Variants in TSC22D1 observed in about 807,000 individuals in gnomAD.
TSC22D1 encodes TSC22 domain family protein 1.
Under a neutral mutation model 74.2 loss-of-function variants are expected in TSC22D1, and 9 were observed. The ratio of observed to expected loss-of-function variants is 0.12; its 90% confidence interval spans 0.07 to 0.21. The LOEUF is 0.21. Among genes scored for constraint, TSC22D1 ranks in the 10% least tolerant of loss-of-function variants. The probability of loss-of-function intolerance (pLI) is 1.00; values close to 1 mark genes in which losing one functional copy is unlikely to be tolerated. For missense variants in TSC22D1, 1,427 were observed against 1,304.7 expected, an observed-to-expected ratio of 1.09 and a Z score of -1.44; for synonymous variants, 586 against 492.5, an observed-to-expected ratio of 1.19 and a Z score of -2.51.
chr13:44,472,036 A>G (rs547972511), intron 1 of TSC22D1, among the ~76,000 whole-genome samples: 5 of 152,336 alleles, frequency 3.3e-5, no homozygotes, highest in Admixed American at 2.6e-4. Flanking sequence ...CCCTTATTTT[A>G]CTTCATAGCC....
At chr13:44,513,431 G>A (rs962019101) in intron 1 of TSC22D1, among the ~76,000 whole-genome samples, 2 of 152,102 alleles carry the variant, frequency 1.3e-5, no homozygotes, top group African/African-American at 4.8e-5. Flanking sequence ...AGAAATGATA[G>A]GTTTTTGTCA....
intron 1 of TSC22D1, among the ~76,000 whole-genome samples, chr13:44,530,978 A>G (rs1880805370): frequency 6.6e-6 from 1 of 152,232 alleles, no homozygotes. Flanking sequence ...CATATGATCC[A>G]GCCATCACAC....
intron 1 of TSC22D1, among the ~76,000 whole-genome samples, chr13:44,519,943 C>A (rs1280178112): frequency 1.3e-5 from 2 of 152,116 alleles, no homozygotes; most frequent in Non-Finnish European, 2.9e-5. Flanking sequence ...GCATACATAA[C>A]TGAACACATG....
At chr13:44,506,918 C>T (rs1211031726) in intron 1 of TSC22D1, among the ~76,000 whole-genome samples, 1 of 152,152 alleles carries the variant, frequency 6.6e-6, no homozygotes, top group Non-Finnish European at 1.5e-5. Flanking sequence ...TACACAGTGC[C>T]TGCTGTGTAT....
intron 1 of TSC22D1, among the ~76,000 whole-genome samples, chr13:44,441,391 A>C (rs1163380952): frequency 6.6e-6 from 1 of 152,266 alleles, no homozygotes; most frequent in Non-Finnish European, 1.5e-5. Context: ...AAACAGAGCA[A>C]GGAAGAAAAC....
Position 44,573,991 on chromosome 13 carries a change from G to A in TSC22D1, c.2084C>T (p.Pro695Leu). The A allele has an allele frequency of 1.9e-6, 3 of 1,614,036 alleles. No homozygotes were observed. The highest frequency in any genetic ancestry group is 1.1e-5 in the South Asian group (1 of 91,092). Residue 695 changes from proline to leucine, a missense_variant, in exon 1 of 3, where the codon CCA becomes CTA. Pro to Leu is a moderately conservative substitution (Grantham distance 98). This residue lies in a region of TSC22D1 where 1,343 missense variants were observed against 1,191.5 expected (regional missense o/e 1.13). Transcript: ENST00000458659. ...PVAQPQGIQLPVQPTAVPAQP... is the reference protein window; with the variant it reads ...PVAQPQGIQLLVQPTAVPAQP... ...TGCTGGGACTGCTGTGGGCTGCACT[G>A]GCAGCTGGATACCCTGTGGCTGAGC...
chr13:44,496,826 A>C (rs1465735516), intron 1 of TSC22D1, among the ~76,000 whole-genome samples: 1 of 152,134 alleles, frequency 6.6e-6, no homozygotes, highest in African/African-American at 2.4e-5. Context: ...CAGCCTGGAC[A>C]ACAAAGTGAG....
chr13:44,562,452 T>C (rs1164253277), intron 1 of TSC22D1, among the ~76,000 whole-genome samples: 3 of 152,258 alleles, frequency 2.0e-5, no homozygotes, highest in African/African-American at 7.2e-5. Flanking sequence ...AACATTAGTA[T>C]TGTGGCTCTT....
chr13:44,463,489 A>T (rs1239687906), intron 1 of TSC22D1, among the ~76,000 whole-genome samples: 5 of 152,242 alleles, frequency 3.3e-5, no homozygotes, highest in Non-Finnish European at 7.3e-5. Context: ...TATGTTAAAC[A>T]TAAAAAACTT....
At chr13:44,527,966 T>C (rs907374885) in intron 1 of TSC22D1, among the ~76,000 whole-genome samples, 3 of 152,106 alleles carry the variant, frequency 2.0e-5, no homozygotes, top group Non-Finnish European at 2.9e-5. Flanking sequence ...CATTTCATTA[T>C]GATAAAGGGG....
At position 44,554,931 on chromosome 13, in the gene TSC22D1, C is replaced by CTAA. The variant is rs551911547; in HGVS notation, c.2912+18229_2912+18231dup. Among the ~76,000 whole-genome samples, 386 of 152,174 alleles carry CTAA rather than the reference C, an allele frequency of 2.5e-3. 1 individual carries two copies. Among genetic ancestry groups the CTAA allele is most frequent in the Non-Finnish European group, 3.8e-3 (258 of 68,012 alleles). On this transcript the variant is annotated intron_variant, in intron 1 of 2. Coordinates refer to ENST00000458659, the MANE Select transcript of TSC22D1 (RefSeq NM_183422.4). Reference sequence around the variant, plus strand: ...AATTCAGATTACTGAATGAATGGTACTAATGGCATTTAAGTCAGACATTCA... The same window carrying CTAA: ...AATTCAGATTACTGAATGAATGGTACTAATAATGGCATTTAAGTCAGACATTCA...
chr13:44,535,096 A>C (rs942109610), intron 1 of TSC22D1, among the ~76,000 whole-genome samples: 2 of 152,124 alleles, frequency 1.3e-5, no homozygotes, highest in Admixed American at 1.3e-4. Context: ...TATCAATTTC[A>C]CTTCTCTGAG....
At chr13:44,516,815 C>A (rs977614588) in intron 1 of TSC22D1, among the ~76,000 whole-genome samples, 6 of 152,314 alleles carry the variant, frequency 3.9e-5, no homozygotes, top group African/African-American at 1.4e-4. Flanking sequence ...TTTCTGGAAA[C>A]AGCAACACTA....
chr13:44,558,336 A>T (rs552086380), intron 1 of TSC22D1, among the ~76,000 whole-genome samples: 21 of 152,336 alleles, frequency 1.4e-4, no homozygotes, highest in African/African-American at 4.1e-4. Flanking sequence ...AGTAAAAAAA[A>T]TTTTTGAATC....
At chr13:44,523,393 A>T (rs1314344024) in intron 1 of TSC22D1, among the ~76,000 whole-genome samples, 7 of 152,214 alleles carry the variant, frequency 4.6e-5, no homozygotes, top group Non-Finnish European at 1.0e-4. Flanking sequence ...TCAAGCAACC[A>T]AGCTGTCCTT....
At chr13:44,445,539 T>C (rs1484048669) in intron 1 of TSC22D1, among the ~76,000 whole-genome samples, 1 of 152,068 alleles carries the variant, frequency 6.6e-6, no homozygotes, top group Non-Finnish European at 1.5e-5. Flanking sequence ...ACTTTTACCA[T>C]AATGAAAAAC....
At chr13:44,468,526 T>C (rs1877423425) in intron 1 of TSC22D1, among the ~76,000 whole-genome samples, 1 of 149,920 alleles carries the variant, frequency 6.7e-6, no homozygotes, top group Non-Finnish European at 1.5e-5. Context: ...CCATAGTAGA[T>C]GGATCCAGGT....
chr13:44,514,809 G>A (rs959897920), intron 1 of TSC22D1, among the ~76,000 whole-genome samples: 6 of 152,116 alleles, frequency 3.9e-5, no homozygotes, highest in Admixed American at 2.6e-4. Context: ...GCAGTGAGCC[G>A]AGATCGCACC....
chr13:44,437,961 TCTC>T (rs1265038342), intron 1 of TSC22D1, among the ~76,000 whole-genome samples: 2 of 152,108 alleles, frequency 1.3e-5, no homozygotes, highest in Non-Finnish European at 1.5e-5. Flanking sequence ...ATAATTCCCT[TCTC>T]CAAACCAAAA....
Sources: gnomAD v4.1 joint callset for allele counts (sites outside exome capture counted in the v4.1 genomes callset) on GRCh38, gnomAD v4.1.1 for gene constraint, gnomAD v4.1.1 regional missense constraint, MANE v1.5 for transcripts, NCBI Gene and HGNC (gene_info 2026-07-23, HGNC 2026-07-21) for gene names.